Variants in ITGB8 observed in about 807,000 individuals in gnomAD.
ITGB8 encodes the protein integrin subunit beta 8.
Under a neutral mutation model 89.5 loss-of-function variants are expected in ITGB8, and 30 were observed. The ratio of observed to expected loss-of-function variants is 0.34; its 90% CI spans 0.25 to 0.45. ITGB8 has a LOEUF of 0.45. ITGB8 is among the 20% of genes least tolerant of loss of function. ITGB8 has a pLI of 1.00. For synonymous variants in ITGB8, 335 were observed against 320.4 expected, an observed-to-expected ratio of 1.05 and a Z score of -0.49; for missense variants, 836 against 933.3, an observed-to-expected ratio of 0.90 and a Z score of 1.36.
At chr7:20,408,280 G>C (rs966159284) in intron 12 of ITGB8, among the ~76,000 whole-genome samples, 4 of 151,372 alleles carry the variant, frequency 2.6e-5, no homozygotes, top group Non-Finnish European at 5.9e-5. Context: ...CTCTCTGTGA[G>C]ACCTGTAGCA....
intron 1 of ITGB8, among the ~76,000 whole-genome samples, chr7:20,354,275 C>G (rs1785214243): frequency 6.6e-6 from 1 of 152,170 alleles, no homozygotes; most frequent in African/African-American, 2.4e-5. Context: ...GTCTAGTATT[C>G]TTACTTTTCC....
intron 6 of ITGB8, among the ~76,000 whole-genome samples, chr7:20,389,618 T>C (rs1326857924): frequency 6.6e-6 from 1 of 152,170 alleles, no homozygotes; most frequent in Admixed American, 6.5e-5. Flanking sequence ...TTAAGAAGGG[T>C]GAATGCTTAG....
chr7:20,344,062 T>G (rs1472958076), intron 1 of ITGB8, among the ~76,000 whole-genome samples: 2 of 152,140 alleles, frequency 1.3e-5, no homozygotes, highest in Admixed American at 6.6e-5. Flanking sequence ...GACTAGTTGC[T>G]ATGGGGACAG....
intron 3 of ITGB8, among the ~76,000 whole-genome samples, chr7:20,368,796 A>T (rs954889438): frequency 4.0e-5 from 6 of 151,796 alleles, no homozygotes; most frequent in African/African-American, 1.5e-4. Flanking sequence ...ATCTTTAATG[A>T]TTTTTTTTAA....
rs372800890 is a variant in ITGB8 at position 20,381,697 on chromosome 7, A to G, written c.802-30A>G. The G allele has an allele frequency of 2.1e-4, 326 of 1,562,242 alleles. No homozygotes were observed. In the African/African-American group the frequency reaches 3.0e-3, roughly 14 times the overall value. On this transcript the variant is annotated intron_variant, in intron 5 of 13. Coordinates refer to ENST00000222573, the MANE Select transcript of ITGB8 (RefSeq NM_002214.3). ...CCACAGTACACATCTGTGTTATTGT[A>G]CAAAGTCTAATTACATGTTTATTTT... is the stretch of plus-strand genomic sequence containing the variant.
In ITGB8 at chr7:20,410,069, A is replaced by T; in HGVS notation, c.*72A>T. The T allele has an allele frequency of 1.1e-5, 17 of 1,495,770 alleles. No individual in the cohort carries two copies. The highest frequency in any genetic ancestry group is 1.5e-5 in the Non-Finnish European group (17 of 1,098,448). 92.7% of individuals were successfully genotyped at this position (1,495,770 alleles called of 1,614,324 possible). The stretch of plus-strand genomic sequence containing the variant: ...TGCTCCTAAAGATTATAATTTTAAA[A>T]GTCACAGGAGGAGACAAATTGCTCA... On this transcript the variant is annotated 3_prime_UTR_variant, in exon 14 of 14. Coordinates refer to ENST00000222573, the MANE Select transcript of ITGB8 (RefSeq NM_002214.3).
intron 3 of ITGB8, among the ~76,000 whole-genome samples, chr7:20,376,403 T>C (rs1786146557): frequency 6.6e-6 from 1 of 152,158 alleles, no homozygotes; most frequent in African/African-American, 2.4e-5. Context: ...TTGTCCAAAA[T>C]AGTTTATAAG....
intron 1 of ITGB8, among the ~76,000 whole-genome samples, chr7:20,361,721 A>G (rs1263670447): frequency 1.3e-5 from 2 of 152,248 alleles, no homozygotes; most frequent in East Asian, 3.8e-4. Flanking sequence ...ACAAAACTAA[A>G]AAGGTCACTC....
At chr7:20,364,835 T>G (rs1785632557) in intron 2 of ITGB8, 1 of 152,244 alleles carries the variant, frequency 6.6e-6, no homozygotes, top group Non-Finnish European at 1.5e-5. Flanking sequence ...GCTTCCAGGT[T>G]TTTCTCTGTC....
chr7:20,371,015 A>G (rs899810186), intron 3 of ITGB8, among the ~76,000 whole-genome samples: 21 of 152,302 alleles, frequency 1.4e-4, no homozygotes, highest in African/African-American at 4.3e-4. Context: ...TAGCAAATCA[A>G]ATTAACTGTA....
chr7:20,337,538 C>T (rs1414568410), intron 1 of ITGB8, among the ~76,000 whole-genome samples: 1 of 152,190 alleles, frequency 6.6e-6, no homozygotes, highest in Non-Finnish European at 1.5e-5. Context: ...TCCTTTAATG[C>T]TTACAACCCT....
intron 10 of ITGB8, among the ~76,000 whole-genome samples, chr7:20,404,350 A>G (rs1004287937): frequency 8.5e-5 from 13 of 152,362 alleles, no homozygotes; most frequent in African/African-American, 2.9e-4. Context: ...ATATGCAATG[A>G]CATTCAAGTA....
chr7:20,375,317 G>GA (rs967592230), intron 3 of ITGB8, among the ~76,000 whole-genome samples: 1 of 150,236 alleles, frequency 6.7e-6, no homozygotes, highest in Non-Finnish European at 1.5e-5. Context: ...TTTAATATAG[G>GA]AAAAAAGACC....
At chr7:20,378,983 T>A in intron 3 of ITGB8, 68 bp from the exon 4 acceptor site, 1 of 1,320,300 alleles carries the variant, frequency 7.6e-7, no homozygotes. Context: ...ATGTGACTAA[T>A]TTATTAAGAG....
chr7:20,370,386 C>CT (rs1175451937), intron 3 of ITGB8, among the ~76,000 whole-genome samples: 1 of 150,896 alleles, frequency 6.6e-6, no homozygotes, highest in Admixed American at 6.6e-5. Flanking sequence ...ATAGAGAACC[C>CT]TAAGAAACCT....
chr7:20,396,102 T>G (rs1197152033), intron 8 of ITGB8, among the ~76,000 whole-genome samples: 1 of 152,152 alleles, frequency 6.6e-6, no homozygotes, highest in Non-Finnish European at 1.5e-5. Context: ...TCCTTTAGCT[T>G]GGGCACAAAA....
chr7:20,351,334 G>C (rs1785106333), intron 1 of ITGB8, among the ~76,000 whole-genome samples: 1 of 152,204 alleles, frequency 6.6e-6, no homozygotes, highest in Non-Finnish European at 1.5e-5. Context: ...CATCAGAACT[G>C]GGTTCAAACT....
chr7:20,386,817 G>A (rs1786646460), intron 6 of ITGB8, among the ~76,000 whole-genome samples: 2 of 152,092 alleles, frequency 1.3e-5, no homozygotes, highest in Admixed American at 6.5e-5. Context: ...AATTTTTATA[G>A]AATGGAATAT....
chr7:20,331,990 A>C, intron 1 of ITGB8, 57 bp downstream of exon 1: 1 of 1,581,606 alleles, frequency 6.3e-7, no homozygotes, highest in Non-Finnish European at 8.6e-7. Context: ...TTGGGCTGGC[A>C]CGAAGAGCTG....
Sources: allele counts gnomAD v4.1 joint callset (sites outside exome capture counted in the v4.1 genomes callset), GRCh38; gene constraint gnomAD v4.1.1; transcripts MANE v1.5; gene names NCBI Gene and HGNC (gene_info 2026-07-23, HGNC 2026-07-21).